The following PPRC1 variants were observed in gnomAD, a reference collection of about 807,000 sequenced individuals.
PPRC1 encodes PPARG related coactivator 1, also known as peroxisome proliferator-activated receptor gamma coactivator-related protein 1.
A neutral mutation model predicts 132.5 loss-of-function variants in PPRC1; 23 were observed. The observed-to-expected ratio is 0.17, with a 90% CI of 0.12 to 0.25. The LOEUF (loss-of-function observed/expected upper bound fraction) is 0.25. Ranked by LOEUF, PPRC1 falls within the 10% of genes least tolerant of loss-of-function variation. The pLI, the probability that PPRC1 is intolerant of heterozygous loss-of-function variation, is 1.00. For synonymous variants in PPRC1, 872 were observed against 833.5 expected (o/e 1.05, Z -0.80); for missense variants, 2,006 against 2,089.1 (o/e 0.96, Z 0.78).
Position 102,141,193 on chromosome 10 carries a change from T to A in PPRC1, c.2685T>A (p.Pro895=). The A allele has an allele frequency of 6.2e-7, 1 of 1,613,500 alleles. No individual in the cohort carries two copies. The highest frequency in any genetic ancestry group is 8.5e-7 in the Non-Finnish European group (1 of 1,179,816). The change falls in exon 5 of 14, where the codon CCT becomes CCA. Residue 895 remains proline (P), a synonymous_variant. Coordinates refer to ENST00000278070, the MANE Select transcript of PPRC1 (RefSeq NM_015062.5). ...GLGMPPSLPP[P]PLQPPSLPLS... ...GCATGCCCCCCAGTCTGCCCCCACCTCCCTTGCAGCCTCCTAGTCTTCCAT... is the reference window on the plus strand; with the variant it reads ...GCATGCCCCCCAGTCTGCCCCCACCACCCTTGCAGCCTCCTAGTCTTCCAT...
chr10:102,142,974 G>A (rs2069061635), intron 5 of PPRC1, 71 bp from the exon 6 acceptor site: 17 of 1,354,654 alleles, frequency 1.3e-5, no homozygotes, highest in Middle Eastern at 4.1e-4. Flanking sequence ...AGATGATTTG[G>A]GGGCTTCCTG....
In PPRC1 at chr10:102,141,979, G is replaced by C; in HGVS notation, c.3471G>C (p.Val1157=). Residue 1157 remains valine (V), a synonymous_variant, in exon 5 of 14, where the codon GTG becomes GTC. Transcript: ENST00000278070. ...PTPRTQGSED[V]VQAFISEIGI... ...CACGTACTCAGGGTTCTGAAGATGT[G>C]GTACAGGCTTTCATCAGTGAGATTG... 6.2e-7 allele frequency: 1 copy of C among 1,612,152 alleles called. No homozygotes were observed. The highest frequency in any genetic ancestry group is 8.5e-7 in the Non-Finnish European group (1 of 1,178,758).
rs537292284 is a variant in PPRC1 at position 102,133,102 on chromosome 10, G to C, written c.34G>C (p.Ala12Pro). The change falls in exon 1 of 14, where the codon GCG becomes CCG. Residue 12 changes from alanine (A) to proline (P), a missense_variant. Physicochemically the swap from Ala to Pro is conservative, Grantham distance 27. Transcript: ENST00000278070. ...GCGCCGGGGACGGAGAGACGGAGTC[G>C]CGCCGCCCCCGAGTGGGGGCCCCGG... ...AARRGRRDGVAPPPSGGPGPD... is the reference protein window; with the variant it reads ...AARRGRRDGVPPPPSGGPGPD... The C allele has an allele frequency of 3.2e-6, 4 of 1,244,364 alleles. No homozygotes were observed. Among genetic ancestry groups the C allele is most frequent in the Non-Finnish European group, 4.0e-6 (4 of 988,296 alleles). 77.1% of individuals were successfully genotyped at this position (1,244,364 alleles called of 1,614,324 possible).
chr10:102,132,850 C>A, upstream of PPRC1: 1 of 532,472 alleles, frequency 1.9e-6, no homozygotes, highest in Non-Finnish European at 2.8e-6. Context: ...AGGATGCCTG[C>A]AGCTAGTGCC....
In PPRC1 at chr10:102,140,542, G is replaced by A; in HGVS notation, c.2034G>A (p.Leu678=). Residue 678 remains leucine, a synonymous_variant, in exon 5 of 14, where the codon CTG becomes CTA. Transcript: ENST00000278070. ...TGGTTGACCCTGTTCCTAATGACCT[G>A]ACTCCAGTTGACCCAGTGCTAGTTA... The part of the protein sequence containing the change: ...LALVDPVPND[L]TPVDPVLVKS... 1 of 1,614,044 alleles carries A rather than the reference G, an allele frequency of 6.2e-7. No homozygotes were observed. Among genetic ancestry groups the A allele is most frequent in the Non-Finnish European group, 8.5e-7 (1 of 1,180,006 alleles).
the PPRC1 span, among the ~76,000 whole-genome samples, chr10:102,124,786 G>A: frequency 6.6e-6 from 1 of 151,854 alleles, no homozygotes; most frequent in Non-Finnish European, 1.5e-5. Flanking sequence ...AGGACTATAG[G>A]TACACACCAC....
chr10:102,143,836 C>T (rs866090276), intron 6 of PPRC1, among the ~76,000 whole-genome samples: 3 of 152,312 alleles, frequency 2.0e-5, no homozygotes, highest in Middle Eastern at 3.4e-3. Flanking sequence ...CTATGGAGGA[C>T]ACTATCTTCT....
At position 102,141,162 on chromosome 10, in the gene PPRC1, G is replaced by T; in HGVS notation, c.2654G>T (p.Gly885Val). 6.2e-6 allele frequency: 10 copies of T among 1,613,902 alleles called. No homozygotes were observed. In the African/African-American group the frequency reaches 1.3e-4, roughly 22 times the overall value. The change falls in exon 5 of 14, where the codon GGG (glycine) becomes GTG (valine). Residue 885 changes from glycine (G) to valine (V), a missense_variant. Gly to Val is a moderately radical substitution (Grantham distance 109). Around this residue, in one of 2 missense-constraint regions of PPRC1, gnomAD observed 1,914 missense variants for 1,917.2 expected, o/e 1.00. Transcript: ENST00000278070. ...GCTGCCCTGCCTTTCCCTGCAGGTG[G>T]GCTTGGCATGCCCCCCAGTCTGCCC... Reference protein sequence around the residue: ...MSAALPFPAGGLGMPPSLPPP... With the variant: ...MSAALPFPAGVLGMPPSLPPP...
At chr10:102,120,240 G>T in the PPRC1 span, 1 of 982,484 alleles carries the variant, frequency 1.0e-6, no homozygotes, top group South Asian at 4.6e-5. Context: ...GCCCGGCCTC[G>T]GCCCGGTGCG....
chr10:102,129,060 G>A (rs571492447), upstream of PPRC1, among the ~76,000 whole-genome samples: 3 of 150,136 alleles, frequency 2.0e-5, no homozygotes, highest in Admixed American at 6.7e-5. Context: ...CTCCCGCGTA[G>A]CTGGGACTAC....
At chr10:102,121,989 A>G in the PPRC1 span, among the ~76,000 whole-genome samples, 2 of 152,112 alleles carry the variant, frequency 1.3e-5, no homozygotes, top group South Asian at 2.1e-4. Context: ...CCAGGGATTG[A>G]AAAGAAGGCC....
At position 102,140,891 on chromosome 10, in the gene PPRC1, C is replaced by T; in HGVS notation, c.2383C>T (p.Leu795Phe). 1 of 1,614,092 alleles carries T rather than the reference C, an allele frequency of 6.2e-7. No individual in the cohort carries two copies. Among genetic ancestry groups the T allele is most frequent in the Admixed American group, 1.7e-5 (1 of 60,028 alleles). Residue 795 changes from leucine (L) to phenylalanine (F), a missense_variant, in exon 5 of 14, where the codon CTT becomes TTT. By Grantham distance (22) the Leu-to-Phe change is conservative. Transcript: ENST00000278070. ...TPTGLADIPC[L>F]VIPPAPAKKT... ...CACAGGGCTGGCAGACATCCCTTGT[C>T]TTGTCATCCCACCAGCCCCAGCCAA...
intron 1 of PPRC1, among the ~76,000 whole-genome samples, chr10:102,134,870 C>T (rs796207816): frequency 7.9e-5 from 12 of 152,304 alleles, no homozygotes; most frequent in African/African-American, 2.9e-4. Flanking sequence ...AGGAAGGATC[C>T]AAGATCCAGC....
At chr10:102,128,300 C>T (rs754275176), upstream of PPRC1, among the ~76,000 whole-genome samples, 1 of 152,016 alleles carries the variant, frequency 6.6e-6, no homozygotes, top group Non-Finnish European at 1.5e-5. Context: ...CCACCACGCC[C>T]AGCTAATTTT....
At chr10:102,129,180 C>G (rs553309959), upstream of PPRC1, among the ~76,000 whole-genome samples, 6 of 152,108 alleles carry the variant, frequency 3.9e-5, no homozygotes, top group African/African-American at 1.4e-4. Context: ...ATCCGCCCGC[C>G]TCGGCCTCCC....
chr10:102,120,244 C>T, the PPRC1 span: 1 of 982,778 alleles, frequency 1.0e-6, no homozygotes, highest in African/African-American at 1.8e-5. Flanking sequence ...GGCCTCGGCC[C>T]GGTGCGGGCG....
In PPRC1 at chr10:102,147,314, C is replaced by T. The variant is rs781084852; in HGVS notation, c.4322C>T (p.Ser1441Phe). ...GGGTCCAACCGGACTAGCGAAGCAT[C>T]TTCCTCATCCTCATCATCGTCTTCC... is the stretch of plus-strand genomic sequence containing the variant. ...SSGSNRTSEA[S>F]SSSSSSSSSS... Residue 1441 changes from serine to phenylalanine, a missense_variant, in exon 9 of 14, where the codon TCT becomes TTT. By Grantham distance (155) the Ser-to-Phe change is radical. Transcript: ENST00000278070. 2 of 1,612,538 alleles carry T rather than the reference C, an allele frequency of 1.2e-6. No homozygotes were observed. Among genetic ancestry groups the T allele is most frequent in the South Asian group, 2.2e-5 (2 of 91,090 alleles).
Position 102,138,713 on chromosome 10 carries a change from T to C in PPRC1, c.437T>C (p.Phe146Ser), listed in dbSNP as rs1384087192. 6.2e-7 allele frequency: 1 copy of C among 1,614,104 alleles called. No homozygotes were observed. The highest frequency in any genetic ancestry group is 8.5e-7 in the Non-Finnish European group (1 of 1,180,040). Reference sequence around the variant, plus strand: ...GCAGATTCTGAGAACCTTTCTCCATTTGACAGCATTCCTGATTCGGAGCTG... The same window carrying C: ...GCAGATTCTGAGAACCTTTCTCCATCTGACAGCATTCCTGATTCGGAGCTG... Reference protein sequence around the residue: ...DNADSENLSPFDSIPDSELLV... With the variant: ...DNADSENLSPSDSIPDSELLV... The change falls in exon 3 of 14, where the codon TTT becomes TCT. Residue 146 changes from phenylalanine (F) to serine (S), a missense_variant. Coordinates refer to ENST00000278070, the MANE Select transcript of PPRC1 (RefSeq NM_015062.5).
the PPRC1 span, chr10:102,120,444 T>C: frequency 5.2e-6 from 5 of 963,036 alleles, no homozygotes; most frequent in Non-Finnish European, 6.2e-6. Context: ...CGCCCCCCTC[T>C]CCGCCCTCGC....
Sources: allele counts gnomAD v4.1 joint callset (sites outside exome capture counted in the v4.1 genomes callset), GRCh38; gene constraint gnomAD v4.1.1; regional missense constraint gnomAD v4.1.1; transcripts MANE v1.5; gene names NCBI Gene and HGNC (gene_info 2026-07-23, HGNC 2026-07-21).